Variants in CNTN5 observed in about 807,000 individuals in gnomAD.
CNTN5 encodes the protein contactin 5.
A neutral mutation model predicts 129.1 loss-of-function variants in CNTN5; 77 were observed. The observed-to-expected ratio is 0.60, with a 90% confidence interval of 0.50 to 0.72. CNTN5 has a LOEUF of 0.72. Ranked by LOEUF, CNTN5 falls within the 30% of genes least tolerant of loss-of-function variation. CNTN5 has a pLI of 0.00. For missense variants in CNTN5, 1,478 were observed against 1,328.8 expected, an observed-to-expected ratio of 1.11 and a Z score of -1.75; for synonymous variants, 509 against 465.6, an observed-to-expected ratio of 1.09 and a Z score of -1.20.
chr11:100,314,136 C>A (rs752779126), intron 21 of CNTN5, among the ~76,000 whole-genome samples: 2 of 152,120 alleles, frequency 1.3e-5, no homozygotes, highest in Non-Finnish European at 2.9e-5. Flanking sequence ...AGCCCATCAG[C>A]ACCTTACTTG....
intron 21 of CNTN5, among the ~76,000 whole-genome samples, chr11:100,315,046 G>C (rs1951550216): frequency 6.6e-6 from 1 of 152,114 alleles, no homozygotes; most frequent in African/African-American, 2.4e-5. Context: ...CTGCTTTCTT[G>C]AATTTTTGTA....
In CNTN5 at chr11:100,179,594, C is replaced by T. The variant is rs145360561; in HGVS notation, c.1581-11532C>T. On this transcript the variant is annotated intron_variant, in intron 13 of 24. Coordinates refer to ENST00000524871, the MANE Select transcript of CNTN5 (RefSeq NM_014361.4). ...CAGGAGGAAAAATGTGAAAAACCTG[C>T]GAGAAGAAATGTGACACCCTTGAAT... Among the ~76,000 whole-genome samples the T allele has an allele frequency of 2.8e-3, 418 of 151,932 alleles. 4 individuals are homozygous for T. Among genetic ancestry groups the T allele is most frequent in the African/African-American group, 9.5e-3 (395 of 41,444 alleles).
chr11:99,493,141 A>G (rs147538227), intron 2 of CNTN5, among the ~76,000 whole-genome samples: 46 of 152,294 alleles, frequency 3.0e-4, no homozygotes, highest in African/African-American at 1.1e-3. Flanking sequence ...CTTTGTTTGT[A>G]TTTTTAACTT....
intron 2 of CNTN5, among the ~76,000 whole-genome samples, chr11:99,415,315 T>TA (rs141479273): frequency 0.12 from 18,444 of 149,408 alleles, 1,202 homozygotes; most frequent in Non-Finnish European, 0.16. Context: ...TGTGACTGGA[T>TA]AAAAAAAAAA....
intron 1 of CNTN5, among the ~76,000 whole-genome samples, chr11:99,263,902 C>T (rs1336717964): frequency 6.6e-6 from 1 of 151,908 alleles, no homozygotes; most frequent in East Asian, 1.9e-4. Context: ...TAGTTGTTAC[C>T]CGAAGCAAAA....
intron 2 of CNTN5, among the ~76,000 whole-genome samples, chr11:99,417,647 G>T (rs1386351840): frequency 6.6e-6 from 1 of 151,978 alleles, no homozygotes; most frequent in East Asian, 1.9e-4. Flanking sequence ...CTGAGTTGAA[G>T]AATCTAATGC....
chr11:99,103,075 T>C (rs1019907548), intron 1 of CNTN5, among the ~76,000 whole-genome samples: 6 of 152,112 alleles, frequency 3.9e-5, no homozygotes, highest in Non-Finnish European at 8.8e-5. Context: ...GGTTTCTCCT[T>C]ATAAAACCAT....
chr11:99,947,106 CTA>C (rs1261833215), intron 7 of CNTN5, among the ~76,000 whole-genome samples: 4 of 151,152 alleles, frequency 2.6e-5, no homozygotes, highest in African/African-American at 7.3e-5. Flanking sequence ...AAATTAAAAA[CTA>C]TGTGATTTTA....
chr11:99,292,103 T>A (rs566666795), intron 1 of CNTN5, among the ~76,000 whole-genome samples: 1 of 152,176 alleles, frequency 6.6e-6, no homozygotes, highest in African/African-American at 2.4e-5. Context: ...GAAACAGTAC[T>A]AATGTAATTT....
intron 1 of CNTN5, among the ~76,000 whole-genome samples, chr11:99,032,234 C>A (rs1414114813): frequency 6.6e-6 from 1 of 151,970 alleles, no homozygotes; most frequent in Non-Finnish European, 1.5e-5. Flanking sequence ...CATACGTGTG[C>A]ATGTGTCTTT....
chr11:99,503,074 G>A (rs961630549), intron 2 of CNTN5, among the ~76,000 whole-genome samples: 2 of 151,880 alleles, frequency 1.3e-5, no homozygotes, highest in Admixed American at 6.6e-5. Flanking sequence ...TTTATTTATA[G>A]CACTTTTAAG....
At chr11:99,280,741 T>C (rs1863657464) in intron 1 of CNTN5, among the ~76,000 whole-genome samples, 1 of 151,868 alleles carries the variant, frequency 6.6e-6, no homozygotes, top group Non-Finnish European at 1.5e-5. Context: ...GAACCAGTAA[T>C]AAGCCAGTTG....
At chr11:100,177,953 A>G (rs1308822801) in intron 13 of CNTN5, among the ~76,000 whole-genome samples, 1 of 152,120 alleles carries the variant, frequency 6.6e-6, no homozygotes, top group Admixed American at 6.6e-5. Flanking sequence ...CTCAGCATAA[A>G]AAAACCTGCC....
At chr11:99,247,271 T>A (rs185111061) in intron 1 of CNTN5, among the ~76,000 whole-genome samples, 1 of 152,100 alleles carries the variant, frequency 6.6e-6, no homozygotes, top group African/African-American at 2.4e-5. Flanking sequence ...ATAATTTGTT[T>A]TAATTTTCTG....
At chr11:99,114,367 C>A (rs550634143) in intron 1 of CNTN5, among the ~76,000 whole-genome samples, 2 of 151,954 alleles carry the variant, frequency 1.3e-5, no homozygotes, top group Non-Finnish European at 2.9e-5. Flanking sequence ...ACCTGACAAC[C>A]TTTTGGAAAT....
At chr11:99,748,705 C>T (rs1356786770) in intron 3 of CNTN5, among the ~76,000 whole-genome samples, 2 of 152,098 alleles carry the variant, frequency 1.3e-5, no homozygotes, top group African/African-American at 4.8e-5. Context: ...TATTCGAGGA[C>T]AGAAAAAGAT....
chr11:99,021,633 T>G (rs1862873299), intron 1 of CNTN5, among the ~76,000 whole-genome samples: 1 of 152,132 alleles, frequency 6.6e-6, no homozygotes, highest in Non-Finnish European at 1.5e-5. Context: ...GTTTGGAAAA[T>G]AGGATGCCGT....
At chr11:99,109,693 G>T (rs188595298) in intron 1 of CNTN5, among the ~76,000 whole-genome samples, 2 of 152,168 alleles carry the variant, frequency 1.3e-5, no homozygotes, top group Non-Finnish European at 2.9e-5. Context: ...CTTCCAAGCC[G>T]CTGCTGGATA....
rs143280705 is a variant in CNTN5 at position 99,861,016 on chromosome 11, C to T, written c.577+15754C>T. The stretch of plus-strand genomic sequence containing the variant: ...TGTCGCCCAGGCTGGAGTGCAGTGG[C>T]GCAATCTCATCTCACTGCAAACTGC... On this transcript the variant is annotated intron_variant, in intron 6 of 24. Transcript: ENST00000524871. 6.3e-3 allele frequency among the ~76,000 whole-genome samples: 812 copies of T among 128,390 alleles called. 7 individuals are homozygous for T. The highest frequency in any genetic ancestry group is 0.024 in the African/African-American group (784 of 33,350). 84.2% of individuals were successfully genotyped at this position (128,390 alleles called of 152,430 possible).
Sources: gnomAD v4.1 joint callset for allele counts (sites outside exome capture counted in the v4.1 genomes callset) on GRCh38, gnomAD v4.1.1 for gene constraint, MANE v1.5 for transcripts, NCBI Gene and HGNC (gene_info 2026-07-23, HGNC 2026-07-21) for gene names.